The following TERB1 variants were observed in gnomAD, a reference collection of about 807,000 sequenced individuals.
TERB1 encodes telomere repeats-binding bouquet formation protein 1.
A neutral mutation model predicts 92.3 loss-of-function variants in TERB1; 63 were observed. That is an observed-to-expected ratio of 0.68 (90% CI 0.56 to 0.84). The LOEUF (loss-of-function observed/expected upper bound fraction) is 0.84. TERB1 is among the 40% of genes least tolerant of loss of function. The pLI, the probability that TERB1 is intolerant of heterozygous loss-of-function variation, is 0.00. For missense variants in TERB1, 709 were observed against 843.7 expected, an observed-to-expected ratio of 0.84 and a Z score of 1.98; for synonymous variants, 252 against 283.9, an observed-to-expected ratio of 0.89 and a Z score of 1.13.
chr16:66,789,447 G>T (rs2018787359), intron 5 of TERB1, among the ~76,000 whole-genome samples: 1 of 76,374 alleles, frequency 1.3e-5, no homozygotes, highest in Non-Finnish European at 2.3e-5. Flanking sequence ...AGCCGGGCGT[G>T]GTAGCGGGCG....
chr16:66,759,596 G>A (rs544548856), intron 16 of TERB1, among the ~76,000 whole-genome samples: 6 of 151,972 alleles, frequency 3.9e-5, no homozygotes, highest in East Asian at 1.9e-4. Flanking sequence ...TCAGGAGTTC[G>A]AGACCAGCCT....
intron 16 of TERB1, among the ~76,000 whole-genome samples, chr16:66,760,456 C>CAAAAAAAAA (rs1338924292): frequency 2.6e-5 from 1 of 38,362 alleles, no homozygotes; most frequent in Non-Finnish European, 4.3e-5. Context: ...GACTCCATCT[C>CAAAAAAAAA]AAAAAAAAAA....
At chr16:66,768,835 G>C (rs551022706) in intron 14 of TERB1, among the ~76,000 whole-genome samples, 44 of 152,284 alleles carry the variant, frequency 2.9e-4, no homozygotes, top group African/African-American at 9.9e-4. Context: ...CGGGTGCGGT[G>C]GTTCACGCCT....
intron 3 of TERB1, among the ~76,000 whole-genome samples, chr16:66,792,862 A>AT (rs932567117): frequency 7.9e-5 from 12 of 151,456 alleles, no homozygotes; most frequent in South Asian, 2.1e-4. Flanking sequence ...TATAATACAG[A>AT]TTTTTTTTTA....
Position 66,765,849 on chromosome 16 carries a change from ATTTTTTTTTTTTT to A in TERB1, c.1780+1553_1780+1565del, listed in dbSNP as rs10564947. ...TAGCAAATCAAACAAACTATTGGGT[ATTTTTTTTTTTTT>A]TTTTTTTTTTTTTTTTTTTTGAGAC... On this transcript the variant is annotated intron_variant, in intron 16 of 18. Transcript: ENST00000433154. Among the ~76,000 whole-genome samples, 140 of 62,508 alleles carry A rather than the reference ATTTTTTTTTTTTT, an allele frequency of 2.2e-3. 1 individual carries two copies. The highest frequency in any genetic ancestry group is 5.5e-3 in the Admixed American group (21 of 3,796). 41.0% of individuals were successfully genotyped at this position (62,508 alleles called of 152,430 possible). A position where few individuals can be genotyped will look rare whatever the true frequency, so the allele number is the denominator to read the frequency against.
chr16:66,763,862 G>A (rs543714257), intron 16 of TERB1, among the ~76,000 whole-genome samples: 2 of 152,194 alleles, frequency 1.3e-5, no homozygotes, highest in Non-Finnish European at 2.9e-5. Flanking sequence ...ATTCCTAAAG[G>A]ACTAGAAGTT....
intron 15 of TERB1, among the ~76,000 whole-genome samples, chr16:66,767,728 T>C (rs964665867): frequency 6.6e-6 from 1 of 151,446 alleles, no homozygotes; most frequent in Non-Finnish European, 1.5e-5. Context: ...AATATAGCAA[T>C]GGACTTTTTT....
At chr16:66,785,723 C>A (rs986398074) in intron 9 of TERB1, 63 bp downstream of exon 9, 1 of 1,391,708 alleles carries the variant, frequency 7.2e-7, no homozygotes, top group Non-Finnish European at 9.5e-7. Flanking sequence ...TAAATTCAAT[C>A]GTTTTTATTA....
At position 66,786,001 on chromosome 16, in the gene TERB1, G is replaced by A. The variant is rs931245915; in HGVS notation, c.577+13C>T. 1 of 1,536,490 alleles carries A rather than the reference G, an allele frequency of 6.5e-7. No individual in the cohort carries two copies. Among genetic ancestry groups the A allele is most frequent in the Non-Finnish European group, 8.8e-7 (1 of 1,137,090 alleles). ...TATCTTTATTTTTATATTTAAACAT[G>A]ACAGATAATTACCATTTTGAGGATT... On this transcript the variant is annotated intron_variant, in intron 8 of 18. Coordinates refer to ENST00000433154, the MANE Select transcript of TERB1 (RefSeq NM_001136505.2).
intron 12 of TERB1, among the ~76,000 whole-genome samples, chr16:66,773,205 G>T (rs1006016951): frequency 2.7e-5 from 4 of 150,500 alleles, no homozygotes; most frequent in Admixed American, 2.7e-4. Context: ...ATTGTGGCAC[G>T]CACCTGTATT....
chr16:66,785,693 GAATTC>G, intron 9 of TERB1, 88 bp downstream of exon 9: 3 of 1,279,492 alleles, frequency 2.3e-6, no homozygotes, highest in Non-Finnish European at 3.1e-6. Context: ...CAAATTACAA[GAATTC>G]AATTGATTCA....
At chr16:66,772,882 GA>G in intron 12 of TERB1, 133 bp from the exon 13 acceptor site, 1 of 652,754 alleles carries the variant, frequency 1.5e-6, no homozygotes, top group South Asian at 2.2e-5. Flanking sequence ...AATTGGTACT[GA>G]AAAGTAAGTG....
chr16:66,777,985 G>A (rs2145165594), intron 10 of TERB1, among the ~76,000 whole-genome samples: 1 of 152,276 alleles, frequency 6.6e-6, no homozygotes, highest in East Asian at 1.9e-4. Context: ...TACTTGTAAA[G>A]CTCCACACAT....
At chr16:66,765,847 G>GTTTT (rs2018333047) in intron 16 of TERB1, among the ~76,000 whole-genome samples, 2 of 106,634 alleles carry the variant, frequency 1.9e-5, no homozygotes, top group Non-Finnish European at 3.7e-5. Flanking sequence ...AAACTATTGG[G>GTTTT]TATTTTTTTT....
chr16:66,783,305 T>C (rs980266726), intron 9 of TERB1, among the ~76,000 whole-genome samples: 5 of 152,252 alleles, frequency 3.3e-5, no homozygotes, highest in African/African-American at 4.8e-5. Context: ...GGTTGAATTA[T>C]GTCAAATGCT....
chr16:66,771,145 G>A (rs1472883905), intron 13 of TERB1, among the ~76,000 whole-genome samples: 1 of 152,134 alleles, frequency 6.6e-6, no homozygotes, highest in Admixed American at 6.6e-5. Flanking sequence ...GCATGGAAAA[G>A]CAGGCACAGA....
intron 13 of TERB1, among the ~76,000 whole-genome samples, chr16:66,771,680 C>CAT (rs1463729764): frequency 6.8e-6 from 1 of 146,530 alleles, no homozygotes; most frequent in Non-Finnish European, 1.5e-5. Flanking sequence ...CACACACACA[C>CAT]GGGTACATGT....
At chr16:66,773,092 GC>G (rs2018480981) in intron 12 of TERB1, among the ~76,000 whole-genome samples, 1 of 151,806 alleles carries the variant, frequency 6.6e-6, no homozygotes, top group African/African-American at 2.4e-5. Flanking sequence ...ATTTTGGGAT[GC>G]CGAGGCGGGA....
At chr16:66,791,592 TA>T (rs2018836147) in intron 3 of TERB1, among the ~76,000 whole-genome samples, 1 of 151,190 alleles carries the variant, frequency 6.6e-6, no homozygotes, top group East Asian at 1.9e-4. Flanking sequence ...AAAAAAGGAG[TA>T]AAGACACAAA....
Sources: gnomAD v4.1 joint callset for allele counts (sites outside exome capture counted in the v4.1 genomes callset) on GRCh38, gnomAD v4.1.1 for gene constraint, MANE v1.5 for transcripts, NCBI Gene and HGNC (gene_info 2026-07-23, HGNC 2026-07-21) for gene names.